The following ASTN2 variants were observed in gnomAD, a reference collection of about 807,000 sequenced individuals.
ASTN2 encodes the protein astrotactin 2.
Under a neutral mutation model 139.8 loss-of-function variants are expected in ASTN2, and 54 were observed. That is an observed-to-expected ratio of 0.39 (90% CI 0.31 to 0.48). The LOEUF (loss-of-function observed/expected upper bound fraction) is 0.48, where lower values mean the gene tolerates loss of function less well. ASTN2 is among the 20% of genes least tolerant of loss of function. The pLI is 0.95. For synonymous variants in ASTN2, 756 were observed against 719.5 expected (o/e 1.05, Z -0.81); for missense variants, 1,565 against 1,725.1 (o/e 0.91, Z 1.64).
At chr9:117,025,383 A>T (rs1055715480) in intron 6 of ASTN2, among the ~76,000 whole-genome samples, 1 of 152,140 alleles carries the variant, frequency 6.6e-6, no homozygotes, top group Non-Finnish European at 1.5e-5. Flanking sequence ...AGAAGCTGCC[A>T]TCTTTAATTG....
intron 16 of ASTN2, among the ~76,000 whole-genome samples, chr9:116,683,861 G>A (rs1338230118): frequency 6.6e-6 from 1 of 152,108 alleles, no homozygotes; most frequent in Non-Finnish European, 1.5e-5. Context: ...GACACAACTG[G>A]AGAAATTGAT....
At chr9:116,755,254 C>T (rs1327570229) in intron 13 of ASTN2, among the ~76,000 whole-genome samples, 1 of 152,090 alleles carries the variant, frequency 6.6e-6, no homozygotes, top group East Asian at 1.9e-4. Flanking sequence ...CTGAATTATA[C>T]CCCCTCCCCT....
At chr9:116,632,253 G>A (rs1275412699) in intron 17 of ASTN2, among the ~76,000 whole-genome samples, 4 of 37,676 alleles carry the variant, frequency 1.1e-4, no homozygotes, top group Non-Finnish European at 1.9e-4. Flanking sequence ...AAGAAAGAAG[G>A]AAAGAAAGAA....
intron 1 of ASTN2, among the ~76,000 whole-genome samples, chr9:117,313,371 C>T (rs1405131405): frequency 6.6e-6 from 1 of 152,288 alleles, no homozygotes; most frequent in East Asian, 1.9e-4. Context: ...TCTTCTGCTG[C>T]TCAATGGGGC....
At chr9:117,055,994 C>A (rs1336421199) in intron 5 of ASTN2, among the ~76,000 whole-genome samples, 2 of 152,154 alleles carry the variant, frequency 1.3e-5, no homozygotes, top group Non-Finnish European at 2.9e-5. Context: ...TGAGAGTGGC[C>A]CTATGGCCCA....
intron 19 of ASTN2, among the ~76,000 whole-genome samples, chr9:116,503,458 G>C (rs544807497): frequency 6.6e-6 from 1 of 152,152 alleles, no homozygotes; most frequent in African/African-American, 2.4e-5. Context: ...TTGAAATAAA[G>C]AAAAGGAAAC....
At chr9:116,683,424 G>T (rs1246156161) in intron 16 of ASTN2, among the ~76,000 whole-genome samples, 1 of 152,144 alleles carries the variant, frequency 6.6e-6, no homozygotes, top group Non-Finnish European at 1.5e-5. Context: ...AAGATTCCTA[G>T]TCAATTGCAG....
At chr9:117,049,782 G>T (rs780009555) in intron 5 of ASTN2, among the ~76,000 whole-genome samples, 4 of 152,046 alleles carry the variant, frequency 2.6e-5, no homozygotes, top group African/African-American at 7.2e-5. Flanking sequence ...GAATGAAAAA[G>T]GTAGGCACAA....
rs145684061 is a variant in ASTN2, at chr9:117,033,790, A to C, written c.1423+6029T>G. The stretch of plus-strand genomic sequence containing the variant: ...TGTTAATCTCGTAAAACCACCTAGC[A>C]TCCCTGAGCCCCACTTTTCACGTAC... On this transcript the variant is annotated intron_variant, in intron 6 of 22. Transcript: ENST00000313400. Among the ~76,000 whole-genome samples, 475 of 152,252 alleles carry C rather than the reference A, an allele frequency of 3.1e-3. 2 individuals carry two copies. The highest frequency in any genetic ancestry group is 0.011 in the African/African-American group (459 of 41,566).
chr9:116,478,941 G>A (rs1280015192), intron 20 of ASTN2, among the ~76,000 whole-genome samples: 1 of 136,106 alleles, frequency 7.3e-6, no homozygotes, highest in Non-Finnish European at 1.5e-5. Context: ...GCAGTGAGCT[G>A]AGATTGCACT....
intron 4 of ASTN2, among the ~76,000 whole-genome samples, chr9:117,132,055 G>A (rs928385391): frequency 6.6e-6 from 1 of 152,172 alleles, no homozygotes; most frequent in African/African-American, 2.4e-5. Context: ...GGATCTGCTA[G>A]TTTCTCTGTG....
At chr9:116,739,651 C>A (rs1018657203) in intron 13 of ASTN2, among the ~76,000 whole-genome samples, 2 of 152,310 alleles carry the variant, frequency 1.3e-5, no homozygotes, top group South Asian at 4.1e-4. Context: ...TCGTTTCTAA[C>A]GATACATGTG....
chr9:117,263,340 T>A (rs1225039689), intron 2 of ASTN2, among the ~76,000 whole-genome samples: 1 of 152,200 alleles, frequency 6.6e-6, no homozygotes, highest in Non-Finnish European at 1.5e-5. Flanking sequence ...AAATTAAAAG[T>A]AGATATTTCA....
chr9:116,731,138 T>C (rs1828766958), intron 14 of ASTN2, among the ~76,000 whole-genome samples: 1 of 151,174 alleles, frequency 6.6e-6, no homozygotes, highest in Admixed American at 6.6e-5. Flanking sequence ...GGGATTATGG[T>C]TGGAATGAAG....
chr9:117,156,070 T>C (rs1461067033), intron 3 of ASTN2, among the ~76,000 whole-genome samples: 1 of 152,028 alleles, frequency 6.6e-6, no homozygotes, highest in Middle Eastern at 3.2e-3. Context: ...TACAAGACTC[T>C]AAGGGAGTAG....
intron 20 of ASTN2, among the ~76,000 whole-genome samples, chr9:116,452,745 T>G (rs527605201): frequency 6.6e-6 from 1 of 152,314 alleles, no homozygotes; most frequent in Non-Finnish European, 1.5e-5. Context: ...TCTTTCCAAA[T>G]GGATAAAATT....
intron 4 of ASTN2, among the ~76,000 whole-genome samples, chr9:117,127,745 ATCTTGGCTCACTGCAAGC>A (rs1481007127): frequency 7.9e-6 from 1 of 126,972 alleles, no homozygotes; most frequent in African/African-American, 3.1e-5. Flanking sequence ...CAGTGGCACG[ATCTTGGCTCACTGCAAGC>A]TCCACCTCCC....
chr9:116,548,876 A>G (rs1240253166), intron 19 of ASTN2, among the ~76,000 whole-genome samples: 7 of 152,180 alleles, frequency 4.6e-5, no homozygotes, highest in Non-Finnish European at 8.8e-5. Flanking sequence ...CAGAAGCTCA[A>G]TAGGTGATTC....
intron 10 of ASTN2, among the ~76,000 whole-genome samples, chr9:116,966,360 A>G (rs571911995): frequency 6.6e-6 from 1 of 152,258 alleles, no homozygotes; most frequent in South Asian, 2.1e-4. Flanking sequence ...TATATTCCAA[A>G]GTCTCCATTT....
Sources: gnomAD v4.1 joint callset for allele counts (sites outside exome capture counted in the v4.1 genomes callset) on GRCh38, gnomAD v4.1.1 for gene constraint, MANE v1.5 for transcripts, NCBI Gene and HGNC (gene_info 2026-07-23, HGNC 2026-07-21) for gene names.